Variants in CNBD1 observed in about 807,000 individuals in gnomAD.
CNBD1 encodes cyclic nucleotide binding domain containing 1.
Under a neutral mutation model 54.4 loss-of-function variants are expected in CNBD1, and 71 were observed. The ratio of observed to expected loss-of-function variants is 1.30; its 90% CI spans 1.08 to 1.59. CNBD1 has a LOEUF of 1.59. CNBD1 is among the 40% of genes most tolerant of loss of function. The pLI, the probability that CNBD1 is intolerant of heterozygous loss-of-function variation, is 0.00. For missense variants in CNBD1, 659 were observed against 518.0 expected, an observed-to-expected ratio of 1.27 and a Z score of -2.64; for synonymous variants, 182 against 170.7, an observed-to-expected ratio of 1.07 and a Z score of -0.51.
chr8:86,926,240 G>A (rs980407874), intron 3 of CNBD1, among the ~76,000 whole-genome samples: 1 of 152,246 alleles, frequency 6.6e-6, no homozygotes, highest in Non-Finnish European at 1.5e-5. Flanking sequence ...GTTGAGAACT[G>A]GGCAATGACT....
intron 3 of CNBD1, among the ~76,000 whole-genome samples, chr8:86,918,419 T>A (rs182288603): frequency 6.6e-6 from 1 of 152,198 alleles, no homozygotes; most frequent in Non-Finnish European, 1.5e-5. Context: ...AGTGTAAGCA[T>A]GCTGATATGA....
At chr8:86,936,615 C>T (rs112893654) in intron 3 of CNBD1, among the ~76,000 whole-genome samples, 9,377 of 151,668 alleles carry the variant, frequency 0.062, 320 homozygotes, top group African/African-American at 0.096. Flanking sequence ...TGGTGGTAGG[C>T]GCCTGTAGTC....
intron 4 of CNBD1, among the ~76,000 whole-genome samples, chr8:86,965,116 C>T (rs944802877): frequency 1.3e-5 from 2 of 152,096 alleles, no homozygotes; most frequent in Admixed American, 6.6e-5. Context: ...ATATTATATA[C>T]TTTCAATGAC....
At chr8:87,180,046 T>C (rs1051096441) in intron 4 of CNBD1, among the ~76,000 whole-genome samples, 1 of 152,052 alleles carries the variant, frequency 6.6e-6, no homozygotes, top group Non-Finnish European at 1.5e-5. Context: ...TAGAAAACGG[T>C]ATAAAAGAGT....
intron 8 of CNBD1, among the ~76,000 whole-genome samples, chr8:87,349,083 A>G (rs1328618118): frequency 1.3e-5 from 2 of 152,164 alleles, no homozygotes; most frequent in Admixed American, 6.5e-5. Context: ...TGACCTTGAG[A>G]TAATAATAAA....
At chr8:86,946,730 GTCTT>G (rs1157074974) in intron 4 of CNBD1, among the ~76,000 whole-genome samples, 1 of 152,026 alleles carries the variant, frequency 6.6e-6, no homozygotes, top group African/African-American at 2.4e-5. Context: ...GGAACACAAA[GTCTT>G]TTAAGAATAT....
chr8:86,929,252 A>G (rs1379816881), intron 3 of CNBD1, among the ~76,000 whole-genome samples: 1 of 152,206 alleles, frequency 6.6e-6, no homozygotes, highest in Non-Finnish European at 1.5e-5. Context: ...CCTCAGAGGT[A>G]AGGAACTCCC....
At chr8:87,368,206 G>A (rs974063501) in intron 10 of CNBD1, among the ~76,000 whole-genome samples, 3 of 151,500 alleles carry the variant, frequency 2.0e-5, no homozygotes, top group Admixed American at 6.6e-5. Context: ...TAGAATTTGG[G>A]TTTTGGTTGG....
intron 8 of CNBD1, among the ~76,000 whole-genome samples, chr8:87,350,328 C>A (rs1057212022): frequency 1.3e-5 from 2 of 151,802 alleles, no homozygotes; most frequent in Admixed American, 6.6e-5. Context: ...AGTAGAATAA[C>A]CTTTTAATTT....
At chr8:87,292,905 G>T (rs1371716140) in intron 8 of CNBD1, among the ~76,000 whole-genome samples, 1 of 152,096 alleles carries the variant, frequency 6.6e-6, no homozygotes, top group Non-Finnish European at 1.5e-5. Flanking sequence ...TGTGTTGTGA[G>T]TGGGCATTTC....
chr8:86,931,091 A>G (rs1009921342), intron 3 of CNBD1, among the ~76,000 whole-genome samples: 2 of 152,334 alleles, frequency 1.3e-5, no homozygotes, highest in East Asian at 1.9e-4. Flanking sequence ...ACTTTCAGGC[A>G]TAACAAGAAA....
intron 4 of CNBD1, among the ~76,000 whole-genome samples, chr8:86,975,486 C>T (rs780964010): frequency 6.6e-6 from 1 of 151,932 alleles, no homozygotes; most frequent in Non-Finnish European, 1.5e-5. Flanking sequence ...GAGTATTTAA[C>T]TTTTTGTGCC....
In CNBD1 at chr8:86,874,940, G is replaced by A. The variant is rs542256395; in HGVS notation, c.88+8357G>A. ...TACTCCCAGGCCCTCTCAGTGGACA[G>A]ATCTAGGGAATACAAATTCACATTT... On this transcript the variant is annotated intron_variant, in intron 1 of 10. Transcript: ENST00000518476. Among the ~76,000 whole-genome samples the A allele has an allele frequency of 7.2e-4, 105 of 145,440 alleles. 1 individual carries two copies. Among genetic ancestry groups the A allele is most frequent in the Non-Finnish European group, 1.4e-3 (93 of 66,986 alleles).
At chr8:87,211,145 C>T (rs1339577844) in intron 5 of CNBD1, among the ~76,000 whole-genome samples, 1 of 152,196 alleles carries the variant, frequency 6.6e-6, no homozygotes, top group African/African-American at 2.4e-5. Context: ...TGCTGGGCTT[C>T]AGATTTGCTT....
At chr8:87,174,077 G>A (rs1813148048) in intron 4 of CNBD1, among the ~76,000 whole-genome samples, 1 of 151,952 alleles carries the variant, frequency 6.6e-6, no homozygotes, top group Non-Finnish European at 1.5e-5. Context: ...TCCTGCCTCA[G>A]CCTCCCGAGT....
At chr8:87,042,213 A>C (rs1586217393) in intron 4 of CNBD1, among the ~76,000 whole-genome samples, 1 of 152,204 alleles carries the variant, frequency 6.6e-6, no homozygotes, top group Non-Finnish European at 1.5e-5. Flanking sequence ...TCTGTCTTAG[A>C]TACTAACTTT....
In CNBD1 at chr8:87,219,846, G is replaced by A. The variant is rs571397853; in HGVS notation, c.577+13708G>A. Among the ~76,000 whole-genome samples, 6 of 151,596 alleles carry A rather than the reference G, an allele frequency of 4.0e-5. No individual in the cohort carries two copies. In the East Asian group the frequency reaches 1.2e-3, roughly 29 times the overall value. On this transcript the variant is annotated intron_variant, in intron 5 of 10. Transcript: ENST00000518476. ...AATAATAAGAGTTAACTATATTTTG[G>A]GTACCCTTCACATACTTCTTAATAT...
chr8:87,370,445 T>A (rs987640285), intron 10 of CNBD1, among the ~76,000 whole-genome samples: 3 of 152,156 alleles, frequency 2.0e-5, no homozygotes, highest in African/African-American at 4.8e-5. Context: ...GGTATCTCAT[T>A]GTGGTTTTGA....
At chr8:87,189,750 AATG>A (rs1178866334) in intron 4 of CNBD1, among the ~76,000 whole-genome samples, 1 of 152,192 alleles carries the variant, frequency 6.6e-6, no homozygotes, top group Non-Finnish European at 1.5e-5. Flanking sequence ...AAAAACTGAT[AATG>A]ATCAGCATTT....
Sources: gnomAD v4.1 joint callset for allele counts (sites outside exome capture counted in the v4.1 genomes callset) on GRCh38, gnomAD v4.1.1 for gene constraint, MANE v1.5 for transcripts, NCBI Gene and HGNC (gene_info 2026-07-23, HGNC 2026-07-21) for gene names.